The following LGR5 variants were observed in gnomAD, a reference collection of about 807,000 sequenced individuals.
The protein encoded by LGR5 is leucine-rich repeat-containing G protein-coupled receptor 5.
Under a neutral mutation model 76.7 loss-of-function variants are expected in LGR5, and 54 were observed. That is an observed-to-expected ratio of 0.70 (90% CI 0.57 to 0.88). The LOEUF (loss-of-function observed/expected upper bound fraction) is 0.88, where lower values mean the gene tolerates loss of function less well. LGR5 is among the 40% of genes least tolerant of loss of function. LGR5 has a pLI of 0.00. For synonymous variants in LGR5, 406 were observed against 421.9 expected (o/e 0.96, Z 0.46); for missense variants, 1,078 against 1,073.3 (o/e 1.00, Z -0.06).
chr12:71,567,248 A>T, intron 11 of LGR5: 1 of 277,576 alleles, frequency 3.6e-6, no homozygotes, highest in Non-Finnish European at 7.0e-6. Flanking sequence ...AACATAATGG[A>T]TCAACCACCC....
intron 1 of LGR5, among the ~76,000 whole-genome samples, chr12:71,492,500 G>A (rs942632106): frequency 6.6e-6 from 1 of 152,142 alleles, no homozygotes; most frequent in Non-Finnish European, 1.5e-5. Flanking sequence ...TGGATAAGGT[G>A]GTTCCAGTAT....
intron 11 of LGR5, among the ~76,000 whole-genome samples, chr12:71,570,713 C>T (rs1878570626): frequency 6.6e-6 from 1 of 151,952 alleles, no homozygotes; most frequent in African/African-American, 2.4e-5. Flanking sequence ...CCCATTTATT[C>T]AATAAATGTA....
At chr12:71,571,847 G>A (rs1222417616) in intron 12 of LGR5, among the ~76,000 whole-genome samples, 3 of 152,078 alleles carry the variant, frequency 2.0e-5, no homozygotes, top group Non-Finnish European at 4.4e-5. Context: ...AGTGAATTGG[G>A]TGTGTTTGGG....
At chr12:71,494,800 G>A (rs1874238355) in intron 1 of LGR5, among the ~76,000 whole-genome samples, 1 of 151,062 alleles carries the variant, frequency 6.6e-6, no homozygotes, top group Non-Finnish European at 1.5e-5. Context: ...ATCCCAATCT[G>A]GATTCCAGAT....
At chr12:71,572,136 T>A (rs1337613810) in intron 12 of LGR5, among the ~76,000 whole-genome samples, 1 of 149,144 alleles carries the variant, frequency 6.7e-6, no homozygotes, top group South Asian at 2.1e-4. Flanking sequence ...CAGGCCGGAG[T>A]GCATGGCGTG....
chr12:71,562,122 C>T (rs1052036514), intron 8 of LGR5, among the ~76,000 whole-genome samples: 1 of 152,100 alleles, frequency 6.6e-6, no homozygotes, highest in African/African-American at 2.4e-5. Flanking sequence ...TTGATTACCT[C>T]TATTTTCTAA....
intron 4 of LGR5, among the ~76,000 whole-genome samples, chr12:71,543,744 T>G (rs2137386717): frequency 6.6e-6 from 1 of 152,314 alleles, no homozygotes; most frequent in Non-Finnish European, 1.5e-5. Context: ...CAGAGGCTGT[T>G]GCAGTAATGC....
At chr12:71,552,728 G>A (rs549951337) in intron 4 of LGR5, among the ~76,000 whole-genome samples, 1 of 152,200 alleles carries the variant, frequency 6.6e-6, no homozygotes, top group Non-Finnish European at 1.5e-5. Flanking sequence ...GGAGGAAAAG[G>A]ATATCTCTAT....
chr12:71,513,901 G>A (rs538488658), intron 2 of LGR5, among the ~76,000 whole-genome samples: 6 of 152,108 alleles, frequency 3.9e-5, no homozygotes, highest in Non-Finnish European at 7.4e-5. Context: ...AAGATCAAAC[G>A]ATCAATAAAT....
intron 2 of LGR5, among the ~76,000 whole-genome samples, chr12:71,508,752 CA>C (rs35401076): frequency 0.097 from 2,702 of 27,996 alleles, 4 homozygotes; most frequent in African/African-American, 0.19. Flanking sequence ...GACTCAGTCT[CA>C]AAAAAAAAAA....
intron 3 of LGR5, among the ~76,000 whole-genome samples, chr12:71,530,230 A>G (rs542781768): frequency 6.6e-6 from 1 of 151,972 alleles, no homozygotes; most frequent in Non-Finnish European, 1.5e-5. Flanking sequence ...TATTAAAGGG[A>G]ACGTTGAATC....
At position 71,462,403 on chromosome 12, in the gene LGR5, C is replaced by T. The variant is rs146410863; in HGVS notation, c.212+22111C>T. ...TAAAGCTCCTCCTAGCTATAAAATGCTAAGATTTGACCTTTCTGGCCTTAT... is the reference window on the plus strand; with the variant it reads ...TAAAGCTCCTCCTAGCTATAAAATGTTAAGATTTGACCTTTCTGGCCTTAT... On this transcript the variant is annotated intron_variant, in intron 1 of 17. Coordinates refer to ENST00000266674, the MANE Select transcript of LGR5 (RefSeq NM_003667.4). Among the ~76,000 whole-genome samples the T allele has an allele frequency of 3.4e-3, 522 of 152,252 alleles. 5 individuals carry two copies. Among genetic ancestry groups the T allele is most frequent in the African/African-American group, 0.012 (492 of 41,554 alleles).
At chr12:71,443,303 A>G (rs1402120220) in intron 1 of LGR5, among the ~76,000 whole-genome samples, 1 of 152,206 alleles carries the variant, frequency 6.6e-6, no homozygotes, top group Non-Finnish European at 1.5e-5. Context: ...TTCCCAGAAA[A>G]GCAAAATTTT....
At chr12:71,466,913 C>T (rs1337017105) in intron 1 of LGR5, among the ~76,000 whole-genome samples, 1 of 151,884 alleles carries the variant, frequency 6.6e-6, no homozygotes, top group African/African-American at 2.4e-5. Context: ...TGTAGTGAAT[C>T]TTCAGTGATA....
chr12:71,499,014 G>A (rs574037213), intron 1 of LGR5, among the ~76,000 whole-genome samples: 19 of 152,328 alleles, frequency 1.2e-4, no homozygotes, highest in East Asian at 7.7e-4. Flanking sequence ...CACGAAGACC[G>A]TGAATTTATA....
At chr12:71,445,048 G>GA (rs1489798486) in intron 1 of LGR5, among the ~76,000 whole-genome samples, 2 of 152,138 alleles carry the variant, frequency 1.3e-5, no homozygotes, top group Non-Finnish European at 2.9e-5. Flanking sequence ...AGACAGAAAT[G>GA]AAAAACAGTA....
At chr12:71,479,557 G>C (rs1344168053) in intron 1 of LGR5, among the ~76,000 whole-genome samples, 1 of 152,160 alleles carries the variant, frequency 6.6e-6, no homozygotes, top group Non-Finnish European at 1.5e-5. Context: ...GAATGGAGAG[G>C]AGGGAGGCAG....
intron 13 of LGR5, among the ~76,000 whole-genome samples, chr12:71,573,320 C>T (rs1349051194): frequency 6.6e-6 from 1 of 152,010 alleles, no homozygotes; most frequent in African/African-American, 2.4e-5. Context: ...GCTTAATAAT[C>T]ACCTCGAGGA....
chr12:71,544,526 C>A, intron 4 of LGR5, among the ~76,000 whole-genome samples: 1 of 146,650 alleles, frequency 6.8e-6, no homozygotes, highest in African/African-American at 2.5e-5. Context: ...ATTATGGTCT[C>A]CATAAATATT....
Sources: allele counts gnomAD v4.1 joint callset (sites outside exome capture counted in the v4.1 genomes callset), GRCh38; gene constraint gnomAD v4.1.1; transcripts MANE v1.5; gene names NCBI Gene and HGNC (gene_info 2026-07-23, HGNC 2026-07-21).